The following CATSPERE variants were observed in gnomAD, a reference collection of about 807,000 sequenced individuals.
CATSPERE encodes cation channel sperm-associated auxiliary subunit epsilon.
CATSPERE carries 93 observed loss-of-function variants against 114.1 expected under a neutral mutation model. That is an observed-to-expected ratio of 0.81 (90% CI 0.69 to 0.97). The LOEUF (loss-of-function observed/expected upper bound fraction) is 0.97. Among genes scored for constraint, CATSPERE ranks in the 50% least tolerant of loss-of-function variants. The pLI, the probability that CATSPERE is intolerant of heterozygous loss-of-function variation, is 0.00. For missense variants in CATSPERE, 1,058 were observed against 1,131.6 expected, an observed-to-expected ratio of 0.93 and a Z score of 0.93; for synonymous variants, 341 against 384.1, an observed-to-expected ratio of 0.89 and a Z score of 1.31.
chr1:244,530,532 AT>A (rs1006648264), intron 8 of CATSPERE, among the ~76,000 whole-genome samples: 2 of 150,646 alleles, frequency 1.3e-5, no homozygotes, highest in African/African-American at 4.9e-5. Context: ...AAATTTTAGG[AT>A]TTTTTTTTCC....
At chr1:244,463,989 A>C in intron 2 of CATSPERE, 33 bp downstream of exon 2, 1 of 1,486,450 alleles carries the variant, frequency 6.7e-7, no homozygotes, top group Non-Finnish European at 9.3e-7. Flanking sequence ...ACTATAGTTA[A>C]ATATTAAATT....
At chr1:244,519,280 T>C (rs1288578377) in intron 8 of CATSPERE, among the ~76,000 whole-genome samples, 6 of 152,098 alleles carry the variant, frequency 3.9e-5, no homozygotes, top group Admixed American at 3.9e-4. Flanking sequence ...GTGCACCAAC[T>C]CTGGCCTGGA....
intron 20 of CATSPERE, among the ~76,000 whole-genome samples, chr1:244,631,390 C>G (rs1313539064): frequency 6.6e-6 from 1 of 152,040 alleles, no homozygotes; most frequent in African/African-American, 2.4e-5. Flanking sequence ...ATTAACCTCG[C>G]ATATGGCTAT....
At chr1:244,533,440 TTCTTCCTTTCTG>T (rs1679922562) in intron 8 of CATSPERE, among the ~76,000 whole-genome samples, 1 of 152,240 alleles carries the variant, frequency 6.6e-6, no homozygotes, top group Admixed American at 6.5e-5. Context: ...CTTCCTTCTT[TTCTTCCTTTCTG>T]TCTTCCTTTC....
chr1:244,626,605 T>TAC (rs983873779), intron 20 of CATSPERE, among the ~76,000 whole-genome samples: 2 of 151,972 alleles, frequency 1.3e-5, no homozygotes, highest in African/African-American at 2.4e-5. Context: ...CTTAGCTAGA[T>TAC]CTTCTGGATC....
At chr1:244,496,132 A>G (rs978879920) in intron 6 of CATSPERE, among the ~76,000 whole-genome samples, 2 of 152,246 alleles carry the variant, frequency 1.3e-5, no homozygotes, top group African/African-American at 4.8e-5. Flanking sequence ...TTCTGTATCC[A>G]TGGGCCAAAA....
rs115108006 is a variant in CATSPERE, at chr1:244,629,978, C to A, written c.2649-5511C>A. ...CTTACTAATATATCTGCAGTACCTG[C>A]TACCTCCTGCCCTCCAGGTCATGTA... On this transcript the variant is annotated intron_variant, in intron 20 of 21. Transcript: ENST00000366534. Among the ~76,000 whole-genome samples the A allele has an allele frequency of 5.8e-3, 878 of 152,274 alleles. 13 individuals are homozygous for A. The highest frequency in any genetic ancestry group is 0.02 in the African/African-American group (850 of 41,540).
intron 18 of CATSPERE, among the ~76,000 whole-genome samples, chr1:244,608,461 A>G (rs1477407785): frequency 1.3e-5 from 2 of 151,690 alleles, no homozygotes; most frequent in African/African-American, 4.8e-5. Flanking sequence ...GCTTGAGCCC[A>G]GGAGGTCAAG....
intron 8 of CATSPERE, among the ~76,000 whole-genome samples, chr1:244,525,083 C>A (rs1044909230): frequency 2.7e-5 from 4 of 147,302 alleles, no homozygotes; most frequent in Admixed American, 2.7e-4. Flanking sequence ...AGACTTGGAA[C>A]CAACCCAAAT....
At chr1:244,553,751 A>G (rs1661153808) in intron 9 of CATSPERE, among the ~76,000 whole-genome samples, 2 of 152,012 alleles carry the variant, frequency 1.3e-5, no homozygotes, top group Non-Finnish European at 2.9e-5. Flanking sequence ...AGTTAGATAT[A>G]AAACATTAGA....
intron 20 of CATSPERE, among the ~76,000 whole-genome samples, chr1:244,630,781 G>GAAATAAATCATT (rs1673839123): frequency 5.9e-5 from 9 of 151,996 alleles, no homozygotes; most frequent in African/African-American, 2.2e-4. Context: ...GAGAATGAGT[G>GAAATAAATCATT]GTTCGCATCT....
intron 20 of CATSPERE, among the ~76,000 whole-genome samples, chr1:244,621,599 A>G (rs747442460): frequency 6.6e-6 from 1 of 151,858 alleles, no homozygotes; most frequent in Non-Finnish European, 1.5e-5. Flanking sequence ...ACCACAAACC[A>G]GGGTCAACAG....
intron 7 of CATSPERE, among the ~76,000 whole-genome samples, chr1:244,506,910 C>T (rs1275204261): frequency 1.3e-5 from 2 of 152,164 alleles, no homozygotes; most frequent in Admixed American, 1.3e-4. Context: ...TCACCACCAC[C>T]CCCACCAGCC....
intron 8 of CATSPERE, among the ~76,000 whole-genome samples, chr1:244,550,014 A>G (rs114696866): frequency 1.7e-3 from 255 of 152,298 alleles, no homozygotes; most frequent in African/African-American, 6.1e-3. Context: ...TCCTGCACTC[A>G]GACATTGGCA....
At chr1:244,452,231 G>C (rs2148026046), upstream of CATSPERE, 1 of 158,432 alleles carries the variant, frequency 6.3e-6, no homozygotes, top group East Asian at 1.8e-4. Flanking sequence ...TTTCAAACTG[G>C]AGAGGCGCGG....
In CATSPERE at chr1:244,637,453, G is replaced by A. The variant is rs1344768730; in HGVS notation, c.2702+1911G>A. Among the ~76,000 whole-genome samples the A allele has an allele frequency of 2.6e-5, 4 of 152,052 alleles. No homozygotes were observed. In the East Asian group the frequency reaches 7.7e-4, roughly 29 times the overall value. On this transcript the variant is annotated intron_variant, in intron 21 of 21. Transcript: ENST00000366534. ...CTCCCATAGTTACACCTTCCACACT[G>A]TCATTACTTGTAACTTCTCTGCTTC... is the stretch of plus-strand genomic sequence containing the variant.
chr1:244,614,229 T>G (rs1671098155), intron 19 of CATSPERE, among the ~76,000 whole-genome samples: 1 of 152,256 alleles, frequency 6.6e-6, no homozygotes, highest in South Asian at 2.1e-4. Context: ...TCGCTCAAGC[T>G]GTGTTCCTAG....
intron 20 of CATSPERE, among the ~76,000 whole-genome samples, chr1:244,620,146 G>A (rs1422051131): frequency 6.6e-6 from 1 of 152,146 alleles, no homozygotes; most frequent in Non-Finnish European, 1.5e-5. Flanking sequence ...CTCGTAAAAG[G>A]TGTCATGCTA....
At chr1:244,624,789 G>C (rs1476497992) in intron 20 of CATSPERE, among the ~76,000 whole-genome samples, 1 of 151,726 alleles carries the variant, frequency 6.6e-6, no homozygotes, top group African/African-American at 2.4e-5. Context: ...GCGACAGAGC[G>C]AGAGTCCATC....
Sources: allele counts gnomAD v4.1 joint callset (sites outside exome capture counted in the v4.1 genomes callset), GRCh38; gene constraint gnomAD v4.1.1; transcripts MANE v1.5; gene names NCBI Gene and HGNC (gene_info 2026-07-23, HGNC 2026-07-21).